The following MARCHF7 variants were observed in gnomAD, a reference collection of about 807,000 sequenced individuals.
The protein encoded by MARCHF7 is E3 ubiquitin-protein ligase MARCHF7.
Under a neutral mutation model 76.5 loss-of-function variants are expected in MARCHF7, and 20 were observed. The observed-to-expected ratio is 0.26, with a 90% confidence interval of 0.18 to 0.38. The LOEUF is 0.38. Ranked by LOEUF, MARCHF7 falls within the 10% of genes least tolerant of loss-of-function variation. The pLI is 1.00. For synonymous variants in MARCHF7, 295 were observed against 293.0 expected, an observed-to-expected ratio of 1.01 and a Z score of -0.07; for missense variants, 797 against 812.9, an observed-to-expected ratio of 0.98 and a Z score of 0.24.
At chr2:159,745,463 T>C (rs1420568396) in intron 5 of MARCHF7, among the ~76,000 whole-genome samples, 1 of 152,158 alleles carries the variant, frequency 6.6e-6, no homozygotes, top group African/African-American at 2.4e-5. Flanking sequence ...GAGACCAGCC[T>C]GGCCGACAGG....
rs779514293 is a variant in MARCHF7 at position 159,729,198 on chromosome 2, A to G, written c.153+23A>G. The G allele has an allele frequency of 9.6e-6, 15 of 1,558,410 alleles. No homozygotes were observed. The Admixed American group carries it at 1.2e-4, about 12-fold the overall frequency. On this transcript the variant is annotated intron_variant, in intron 4 of 11. Transcript: ENST00000409175. Reference sequence around the variant, plus strand: ...CAGGTAACATTTTTATTTGGAATATATGTATACAGCCTTTTTCAAAATCCC... The same window carrying G: ...CAGGTAACATTTTTATTTGGAATATGTGTATACAGCCTTTTTCAAAATCCC...
intron 4 of MARCHF7, among the ~76,000 whole-genome samples, chr2:159,732,558 C>G (rs1230524296): frequency 6.6e-6 from 1 of 152,122 alleles, no homozygotes; most frequent in Non-Finnish European, 1.5e-5. Flanking sequence ...TGTCACCCAG[C>G]TTGTAGTGTA....
At chr2:159,742,066 G>A (rs182931360) in intron 4 of MARCHF7, among the ~76,000 whole-genome samples, 1 of 152,280 alleles carries the variant, frequency 6.6e-6, no homozygotes, top group Non-Finnish European at 1.5e-5. Flanking sequence ...ATTGTAGTGA[G>A]TGAACTTAAC....
intron 11 of MARCHF7, 77 bp downstream of exon 11, chr2:159,764,751 A>T (rs1707557923): frequency 9.0e-6 from 10 of 1,113,364 alleles, no homozygotes; most frequent in Non-Finnish European, 1.2e-5. Context: ...CTAAGTATAT[A>T]CTCTGTTCTG....
chr2:159,764,443 A>C (rs577384166), intron 10 of MARCHF7, among the ~76,000 whole-genome samples, 183 bp from the exon 11 acceptor site: 1 of 152,074 alleles, frequency 6.6e-6, no homozygotes, highest in African/African-American at 2.4e-5. Context: ...AGATTATATA[A>C]AACATTTAAA....
intron 4 of MARCHF7, among the ~76,000 whole-genome samples, chr2:159,738,396 T>G (rs926743868): frequency 9.2e-5 from 14 of 152,178 alleles, no homozygotes; most frequent in Non-Finnish European, 1.3e-4. Context: ...CAGCACTGTT[T>G]GTGTTACAGC....
At chr2:159,734,344 A>G (rs1703195385) in intron 4 of MARCHF7, among the ~76,000 whole-genome samples, 1 of 151,646 alleles carries the variant, frequency 6.6e-6, no homozygotes, top group South Asian at 2.1e-4. Flanking sequence ...TAGTTTGTAG[A>G]TAACTGCTAT....
At chr2:159,713,104 C>T (rs1183562749) in intron 1 of MARCHF7, among the ~76,000 whole-genome samples, 1 of 152,198 alleles carries the variant, frequency 6.6e-6, no homozygotes, top group African/African-American at 2.4e-5. Flanking sequence ...GAAGTGACTT[C>T]GGTAGCCCCT....
At chr2:159,717,909 T>C (rs190092380) in intron 3 of MARCHF7, among the ~76,000 whole-genome samples, 1 of 152,356 alleles carries the variant, frequency 6.6e-6, no homozygotes, top group African/African-American at 2.4e-5. Flanking sequence ...CTGAAGTGAA[T>C]ATCCTGTATG....
At chr2:159,765,208 T>G (rs1707620830) in intron 11 of MARCHF7, among the ~76,000 whole-genome samples, 1 of 151,624 alleles carries the variant, frequency 6.6e-6, no homozygotes, top group Non-Finnish European at 1.5e-5. Flanking sequence ...GGTAGTGGGT[T>G]TTTTTTTGGC....
At chr2:159,766,004 T>TAACA (rs151304075) in intron 11 of MARCHF7, among the ~76,000 whole-genome samples, 158 of 152,320 alleles carry the variant, frequency 1.0e-3, no homozygotes, top group African/African-American at 3.7e-3. Context: ...TTTAAAAAAC[T>TAACA]AACATTCTCG....
intron 9 of MARCHF7, among the ~76,000 whole-genome samples, chr2:159,760,592 T>G (rs896863881): frequency 3.3e-5 from 5 of 152,138 alleles, no homozygotes; most frequent in African/African-American, 9.7e-5. Flanking sequence ...CATGGAGAGA[T>G]AAATATAAAT....
chr2:159,749,049 G>C lies in MARCHF7; in HGVS notation c.1613+146G>C, dbSNP rs960180333. ...GCTGGAGTGTAATGGCACCATCTCG[G>C]CTCACTGCAGCCTCGGCCTTCCAGG... On this transcript the variant is annotated intron_variant, in intron 7 of 11. Transcript: ENST00000409175. 4.2e-5 allele frequency: 38 copies of C among 910,754 alleles called. No individual in the cohort carries two copies. In the Middle Eastern group the frequency reaches 1.0e-3, roughly 25 times the overall value. 56.4% of individuals were successfully genotyped at this position (910,754 alleles called of 1,614,324 possible).
At chr2:159,767,210 C>A in intron 11 of MARCHF7, 74 bp from the exon 12 acceptor site, 1 of 1,050,052 alleles carries the variant, frequency 9.5e-7, no homozygotes, top group Non-Finnish European at 1.5e-6. Flanking sequence ...CATTGCTGTT[C>A]TGGCTTCATA....
intron 4 of MARCHF7, among the ~76,000 whole-genome samples, chr2:159,741,983 A>G (rs932455509): frequency 6.6e-6 from 1 of 152,192 alleles, no homozygotes; most frequent in African/African-American, 2.4e-5. Context: ...GTACAATTTC[A>G]ATAATTGTGG....
rs183494428 is a variant in MARCHF7 at position 159,768,205 on chromosome 2, A to G, written c.*863A>G. 2 of 152,632 alleles carry G rather than the reference A, an allele frequency of 1.3e-5. No homozygotes were observed. The highest frequency in any genetic ancestry group is 1.3e-4 in the Admixed American group (2 of 15,286). 9.5% of individuals were successfully genotyped at this position (152,632 alleles called of 1,614,324 possible). ...TTTTAGTGTTGTCACTTGTTTATAG[A>G]TAAATATATAAATAACCTGTTTGGA... On this transcript the variant is annotated 3_prime_UTR_variant, in exon 12 of 12. Transcript: ENST00000409175.
intron 11 of MARCHF7, among the ~76,000 whole-genome samples, chr2:159,765,315 G>A (rs1190043222): frequency 6.6e-6 from 1 of 151,984 alleles, no homozygotes; most frequent in Non-Finnish European, 1.5e-5. Flanking sequence ...TTCTGGCTGG[G>A]ATTATAAGTG....
chr2:159,748,920 G>T lies in MARCHF7; in HGVS notation c.1613+17G>T. 2.0e-6 allele frequency: 3 copies of T among 1,531,900 alleles called. No individual in the cohort carries two copies. The allele number at this position is 1,531,900 out of a possible 1,614,324, so 94.9% of individuals were successfully genotyped here. A position where few individuals can be genotyped will look rare whatever the true frequency, so the allele number is the denominator to read the frequency against. On this transcript the variant is annotated intron_variant, in intron 7 of 11. Transcript: ENST00000409175. ...AAAAGAGAGGTAAATTCGAATACCT[G>T]TCTTAAGCCTATAAATCAAAAATAG... is the stretch of plus-strand genomic sequence containing the variant.
chr2:159,730,637 C>G (rs1299248213), intron 4 of MARCHF7, among the ~76,000 whole-genome samples: 1 of 152,048 alleles, frequency 6.6e-6, no homozygotes, highest in Non-Finnish European at 1.5e-5. Context: ...GTTTATGATT[C>G]CTAGAGGTGT....
Sources: gnomAD v4.1 joint callset for allele counts (sites outside exome capture counted in the v4.1 genomes callset) on GRCh38, gnomAD v4.1.1 for gene constraint, MANE v1.5 for transcripts, NCBI Gene and HGNC (gene_info 2026-07-23, HGNC 2026-07-21) for gene names.